MRPS28: variants seen among roughly 807,000 people sequenced by gnomAD.
MRPS28 encodes small ribosomal subunit protein bS1m.
MRPS28 carries 7 observed loss-of-function variants against 10.8 expected under a neutral mutation model. The ratio of observed to expected loss-of-function variants is 0.65; its 90% CI spans 0.37 to 1.22. MRPS28 has a LOEUF of 1.22. MRPS28 is among the 50% of genes most tolerant of loss of function. The probability of loss-of-function intolerance (pLI) is 0.02; values close to 1 mark genes in which losing one functional copy is unlikely to be tolerated. For synonymous variants in MRPS28, 121 were observed against 93.3 expected (o/e 1.30, Z -1.71); for missense variants, 265 against 232.9 (o/e 1.14, Z -0.90).
chr8:79,922,621 T>C (rs1586036148), intron 2 of MRPS28, among the ~76,000 whole-genome samples: 4 of 152,052 alleles, frequency 2.6e-5, no homozygotes, highest in Admixed American at 2.6e-4. Flanking sequence ...AAATTATGAA[T>C]GAAAATGTAA....
At chr8:79,947,462 T>C (rs1007168022) in intron 2 of MRPS28, among the ~76,000 whole-genome samples, 3 of 152,104 alleles carry the variant, frequency 2.0e-5, no homozygotes, top group Admixed American at 2.0e-4. Context: ...TGATTTTGAC[T>C]GAGATTACAT....
At chr8:79,968,718 A>T (rs1807559984) in intron 2 of MRPS28, among the ~76,000 whole-genome samples, 1 of 145,536 alleles carries the variant, frequency 6.9e-6, no homozygotes, top group South Asian at 2.2e-4. Context: ...ACTCTGTCTA[A>T]AAAAAAAAAA....
intron 1 of MRPS28, among the ~76,000 whole-genome samples, chr8:80,023,682 ACT>A (rs1351839235): frequency 2.6e-5 from 4 of 152,232 alleles, no homozygotes; most frequent in Admixed American, 1.3e-4. Flanking sequence ...CAGCCCTAAA[ACT>A]CTCTGAAAAA....
At position 79,944,785 on chromosome 8, in the gene MRPS28, C is replaced by T. The variant is rs986510313; in HGVS notation, c.396-25637G>A. Among the ~76,000 whole-genome samples the T allele has an allele frequency of 3.3e-5, 5 of 151,320 alleles. No individual in the cohort carries two copies. In the East Asian group the frequency reaches 9.6e-4, roughly 29 times the overall value. ...ATCTCATCTCACTGCAACCTCCACCCCCAGCTGAAGCAATCTTCCCATCTC... is the reference window on the plus strand; with the variant it reads ...ATCTCATCTCACTGCAACCTCCACCTCCAGCTGAAGCAATCTTCCCATCTC... On this transcript the variant is annotated intron_variant, in intron 2 of 2. Transcript: ENST00000276585.
chr8:79,919,198 G>T, intron 2 of MRPS28, 50 bp from the exon 3 acceptor site: 3 of 1,391,158 alleles, frequency 2.2e-6, no homozygotes, highest in Non-Finnish European at 2.8e-6. Context: ...ATCATAACAT[G>T]AACAACTAGT....
chr8:79,983,879 A>G (rs1163926746), intron 2 of MRPS28, among the ~76,000 whole-genome samples: 2 of 152,210 alleles, frequency 1.3e-5, no homozygotes, highest in African/African-American at 4.8e-5. Context: ...AACTTCCCCA[A>G]TCTAGCAAGG....
chr8:80,006,235 G>A (rs570704857), intron 1 of MRPS28, among the ~76,000 whole-genome samples: 3 of 152,282 alleles, frequency 2.0e-5, no homozygotes, highest in African/African-American at 7.2e-5. Flanking sequence ...GTAGTTGGAA[G>A]TAAAGCACTC....
intron 2 of MRPS28, among the ~76,000 whole-genome samples, chr8:79,921,555 G>A (rs958623511): frequency 1.3e-5 from 2 of 151,680 alleles, no homozygotes; most frequent in Non-Finnish European, 2.9e-5. Context: ...TGAAGCAATT[G>A]TGAATGGGAG....
At chr8:79,990,937 G>A (rs1447311638) in intron 2 of MRPS28, among the ~76,000 whole-genome samples, 1 of 149,766 alleles carries the variant, frequency 6.7e-6, no homozygotes, top group Non-Finnish European at 1.5e-5. Context: ...GTTGCAGTGA[G>A]CCAAGATCAT....
At chr8:80,002,861 A>C in intron 2 of MRPS28, 138 bp downstream of exon 2, 2 of 715,118 alleles carry the variant, frequency 2.8e-6, no homozygotes, top group Non-Finnish European at 4.3e-6. Context: ...AAAGCACTTC[A>C]GACTTTACTG....
chr8:79,997,062 A>T (rs2130139991), intron 2 of MRPS28, among the ~76,000 whole-genome samples: 1 of 152,340 alleles, frequency 6.6e-6, no homozygotes, highest in African/African-American at 2.4e-5. Context: ...ATACCAGTGT[A>T]GGTTTTTAAA....
chr8:80,008,915 C>T (rs552988688), intron 1 of MRPS28, among the ~76,000 whole-genome samples: 7 of 152,284 alleles, frequency 4.6e-5, no homozygotes, highest in Admixed American at 1.3e-4. Flanking sequence ...CCCAGCCATC[C>T]CATTACTGGG....
intron 1 of MRPS28, among the ~76,000 whole-genome samples, chr8:80,005,148 A>G (rs1808795268): frequency 6.6e-6 from 1 of 152,092 alleles, no homozygotes; most frequent in South Asian, 2.1e-4. Flanking sequence ...CCACAAAGAT[A>G]CTCCTCGAGA....
At chr8:79,934,172 T>TA (rs1806543960) in intron 2 of MRPS28, among the ~76,000 whole-genome samples, 1 of 152,154 alleles carries the variant, frequency 6.6e-6, no homozygotes, top group Admixed American at 6.5e-5. Flanking sequence ...AGCAGTGTAA[T>TA]CTGGTTTCAA....
At position 79,960,344 on chromosome 8, in the gene MRPS28, T is replaced by G. The variant is rs561404188; in HGVS notation, c.396-41196A>C. 6.6e-5 allele frequency among the ~76,000 whole-genome samples: 10 copies of G among 152,240 alleles called. No individual in the cohort carries two copies. The South Asian group carries it at 2.1e-3, about 32-fold the overall frequency. On this transcript the variant is annotated intron_variant, in intron 2 of 2. Coordinates refer to ENST00000276585, the MANE Select transcript of MRPS28 (RefSeq NM_014018.3). ...TACAGTTGTCCCAGGCAGACCCATTTTCTACTAATCCTGGCTCTGTGCCAG... is the reference window on the plus strand; with the variant it reads ...TACAGTTGTCCCAGGCAGACCCATTGTCTACTAATCCTGGCTCTGTGCCAG...
At chr8:79,975,911 T>A (rs956361698) in intron 2 of MRPS28, among the ~76,000 whole-genome samples, 3 of 152,202 alleles carry the variant, frequency 2.0e-5, no homozygotes, top group African/African-American at 7.2e-5. Flanking sequence ...CAATATATAT[T>A]AACAGGGAAT....
intron 1 of MRPS28, among the ~76,000 whole-genome samples, chr8:80,022,194 T>C (rs1809385462): frequency 1.3e-5 from 2 of 152,012 alleles, no homozygotes; most frequent in Non-Finnish European, 2.9e-5. Context: ...ACACCATATG[T>C]AACTTTTTGG....
At chr8:79,932,161 C>T (rs1381978872) in intron 2 of MRPS28, among the ~76,000 whole-genome samples, 1 of 151,982 alleles carries the variant, frequency 6.6e-6, no homozygotes, top group African/African-American at 2.4e-5. Flanking sequence ...CCAGTAAGTA[C>T]AGAAGAAAGA....
At chr8:80,005,329 A>G (rs1224113903) in intron 1 of MRPS28, among the ~76,000 whole-genome samples, 1 of 152,216 alleles carries the variant, frequency 6.6e-6, no homozygotes, top group Non-Finnish European at 1.5e-5. Context: ...GGGGGCCAAT[A>G]TTCAACATTC....
Sources: gnomAD v4.1 joint callset for allele counts (sites outside exome capture counted in the v4.1 genomes callset) on GRCh38, gnomAD v4.1.1 for gene constraint, MANE v1.5 for transcripts, NCBI Gene and HGNC (gene_info 2026-07-23, HGNC 2026-07-21) for gene names.